Variants in DPYD observed in about 807,000 individuals in gnomAD.
The protein encoded by DPYD is dihydropyrimidine dehydrogenase.
DPYD carries 109 observed loss-of-function variants against 116.2 expected under a neutral mutation model. The observed-to-expected ratio is 0.94, with a 90% CI of 0.80 to 1.10. The LOEUF (loss-of-function observed/expected upper bound fraction) is 1.10. Among genes scored for constraint, DPYD ranks in the 50% least tolerant of loss-of-function variants. The pLI, the probability that DPYD is intolerant of heterozygous loss-of-function variation, is 0.00. For synonymous variants in DPYD, 440 were observed against 432.0 expected (o/e 1.02, Z -0.23); for missense variants, 1,302 against 1,254.5 (o/e 1.04, Z -0.57).
chr1:97,657,170 C>T (rs529478198), intron 8 of DPYD, among the ~76,000 whole-genome samples: 10 of 151,730 alleles, frequency 6.6e-5, no homozygotes, highest in African/African-American at 2.2e-4. Context: ...GGTTTCACCA[C>T]GTTGGCCAGG....
At position 97,103,266 on chromosome 1, in the gene DPYD, C is replaced by T. The variant is rs554373275; in HGVS notation, c.2623-4634G>A. On this transcript the variant is annotated intron_variant, in intron 20 of 22. Coordinates refer to ENST00000370192, the MANE Select transcript of DPYD (RefSeq NM_000110.4). Reference sequence around the variant, plus strand: ...AATTATGAAAGTAATCAGTTACTTACATTTGATGCTGATTTTTATTTCAAA... The same window carrying T: ...AATTATGAAAGTAATCAGTTACTTATATTTGATGCTGATTTTTATTTCAAA... Among the ~76,000 whole-genome samples the T allele has an allele frequency of 1.1e-4, 16 of 152,206 alleles. No individual in the cohort carries two copies. The South Asian group carries it at 1.2e-3, about 12-fold the overall frequency.
intron 18 of DPYD, among the ~76,000 whole-genome samples, chr1:97,257,343 C>T (rs1364338161): frequency 2.0e-5 from 3 of 150,572 alleles, no homozygotes; most frequent in Non-Finnish European, 3.0e-5. Flanking sequence ...TAAATGAGAC[C>T]TATATTTTTA....
At chr1:97,384,197 C>T (rs1270869913) in intron 14 of DPYD, among the ~76,000 whole-genome samples, 1 of 149,646 alleles carries the variant, frequency 6.7e-6, no homozygotes, top group Non-Finnish European at 1.5e-5. Context: ...TAAGAGTCCT[C>T]TAAAAGCCAC....
chr1:97,420,735 T>A (rs1674538899), intron 14 of DPYD, among the ~76,000 whole-genome samples: 1 of 152,154 alleles, frequency 6.6e-6, no homozygotes, highest in Non-Finnish European at 1.5e-5. Flanking sequence ...TTGTGAAATA[T>A]TTTCTCAAAC....
intron 1 of DPYD, among the ~76,000 whole-genome samples, chr1:97,886,304 T>G (rs915328372): frequency 2.0e-5 from 3 of 151,942 alleles, no homozygotes; most frequent in African/African-American, 7.3e-5. Context: ...TTTCTCATTT[T>G]CTCTCTCCCC....
chr1:97,283,342 T>G (rs1665452553), intron 18 of DPYD, among the ~76,000 whole-genome samples: 1 of 152,154 alleles, frequency 6.6e-6, no homozygotes, highest in South Asian at 2.1e-4. Context: ...ATCTACTGGT[T>G]CTTGTGCCAG....
intron 20 of DPYD, among the ~76,000 whole-genome samples, chr1:97,153,099 A>G (rs1655153867): frequency 6.6e-6 from 1 of 152,086 alleles, no homozygotes; most frequent in South Asian, 2.1e-4. Flanking sequence ...CATCTAGTAG[A>G]GGCATTCTTT....
intron 1 of DPYD, among the ~76,000 whole-genome samples, chr1:97,910,246 CTGTCT>C (rs1165904240): frequency 1.3e-5 from 2 of 151,966 alleles, no homozygotes; most frequent in Admixed American, 6.6e-5. Flanking sequence ...GAATTCTTTT[CTGTCT>C]TGTTTGAAAA....
chr1:97,322,512 A>G (rs895853055), intron 16 of DPYD, among the ~76,000 whole-genome samples: 2 of 152,196 alleles, frequency 1.3e-5, no homozygotes, highest in Middle Eastern at 3.4e-3. Flanking sequence ...GGCTTTAAAC[A>G]TGACCTTTTG....
chr1:97,160,074 C>T (rs2101741365), intron 20 of DPYD, among the ~76,000 whole-genome samples: 1 of 152,036 alleles, frequency 6.6e-6, no homozygotes, highest in African/African-American at 2.4e-5. Context: ...CTGTTTGGGT[C>T]AAGAGTCATT....
At chr1:97,296,451 A>C (rs1273293088) in intron 18 of DPYD, among the ~76,000 whole-genome samples, 1 of 152,202 alleles carries the variant, frequency 6.6e-6, no homozygotes, top group Non-Finnish European at 1.5e-5. Flanking sequence ...AACTGATGAT[A>C]AACTCTATTT....
At position 97,490,065 on chromosome 1, in the gene DPYD, A is replaced by C. The variant is rs1320980407; in HGVS notation, c.1740+25661T>G. Reference sequence around the variant, plus strand: ...TCAGCTTCCTTCCTGTAAAGTGTTAATAATTATACTACCTCTACTCCATAG... The same window carrying C: ...TCAGCTTCCTTCCTGTAAAGTGTTACTAATTATACTACCTCTACTCCATAG... On this transcript the variant is annotated intron_variant, in intron 13 of 22. Coordinates refer to ENST00000370192, the MANE Select transcript of DPYD (RefSeq NM_000110.4). Among the ~76,000 whole-genome samples the C allele has an allele frequency of 3.3e-5, 5 of 152,024 alleles. No homozygotes were observed. The East Asian group carries it at 5.8e-4, about 18-fold the overall frequency.
intron 21 of DPYD, among the ~76,000 whole-genome samples, chr1:97,086,417 A>T (rs529088189): frequency 7.3e-5 from 11 of 151,216 alleles, no homozygotes; most frequent in Non-Finnish European, 1.6e-4. Flanking sequence ...AAGGCCAAAG[A>T]GTGAGGAACT....
At chr1:97,757,287 G>A (rs72734026) in intron 3 of DPYD, among the ~76,000 whole-genome samples, 9 of 152,108 alleles carry the variant, frequency 5.9e-5, no homozygotes, top group Non-Finnish European at 8.8e-5. Flanking sequence ...GATCAGGAAC[G>A]TCTTCCTGCT....
chr1:97,662,725 A>T (rs1659339051), intron 8 of DPYD, among the ~76,000 whole-genome samples: 1 of 152,210 alleles, frequency 6.6e-6, no homozygotes, highest in Non-Finnish European at 1.5e-5. Context: ...AAATCCCTCT[A>T]GCCACACAGA....
chr1:97,143,801 G>A (rs181570698), intron 20 of DPYD, among the ~76,000 whole-genome samples: 14 of 152,182 alleles, frequency 9.2e-5, no homozygotes, highest in Admixed American at 6.5e-4. Context: ...GCCCATCTTC[G>A]TAAGGCCATT....
rs1178297270 is a variant in DPYD at position 97,914,083 on chromosome 1, TTTAA to T, written c.39+6797_39+6800del. Among the ~76,000 whole-genome samples, 2 of 152,140 alleles carry T rather than the reference TTTAA, an allele frequency of 1.3e-5. 1 individual carries two copies. Among genetic ancestry groups the T allele is most frequent in the African/African-American group, 4.8e-5 (2 of 41,416 alleles). ...GGGAGGTAGGGACACAGATTGTCTC[TTTAA>T]TTATTATGATGGAGGTAAAGTCTAG... On this transcript the variant is annotated intron_variant, in intron 1 of 22. Transcript: ENST00000370192.
intron 3 of DPYD, among the ~76,000 whole-genome samples, chr1:97,792,455 G>C (rs1667369550): frequency 6.6e-6 from 1 of 151,888 alleles, no homozygotes; most frequent in Non-Finnish European, 1.5e-5. Context: ...TCACCATGTT[G>C]GTCAGGCCGA....
At chr1:97,362,850 C>G (rs1670811899) in intron 16 of DPYD, among the ~76,000 whole-genome samples, 1 of 152,124 alleles carries the variant, frequency 6.6e-6, no homozygotes, top group South Asian at 2.1e-4. Context: ...CATAAAAACC[C>G]TAGAAGAAAA....
Sources: allele counts gnomAD v4.1 joint callset (sites outside exome capture counted in the v4.1 genomes callset), GRCh38; gene constraint gnomAD v4.1.1; transcripts MANE v1.5; gene names NCBI Gene and HGNC (gene_info 2026-07-23, HGNC 2026-07-21).